PIAS1: variants seen among roughly 807,000 people sequenced by gnomAD.
PIAS1 encodes E3 SUMO-protein ligase PIAS1.
PIAS1 carries 6 observed loss-of-function variants against 71.3 expected under a neutral mutation model. The observed-to-expected ratio is 0.08, with a 90% CI of 0.05 to 0.17. The LOEUF (loss-of-function observed/expected upper bound fraction) is 0.17, where lower values mean the gene tolerates loss of function less well. Ranked by LOEUF, PIAS1 falls within the 10% of genes least tolerant of loss-of-function variation. PIAS1 has a pLI of 1.00. For missense variants in PIAS1, 555 were observed against 793.6 expected (o/e 0.70, Z 3.61); for synonymous variants, 303 against 292.9 (o/e 1.03, Z -0.35).
intron 2 of PIAS1, among the ~76,000 whole-genome samples, chr15:68,090,667 T>C (rs888453535): frequency 6.6e-6 from 1 of 152,134 alleles, no homozygotes; most frequent in Non-Finnish European, 1.5e-5. Context: ...TACCACACTC[T>C]GTAATTACAA....
At chr15:68,124,222 A>G (rs2092633921) in intron 2 of PIAS1, among the ~76,000 whole-genome samples, 1 of 152,186 alleles carries the variant, frequency 6.6e-6, no homozygotes, top group Non-Finnish European at 1.5e-5. Context: ...TTACTCTTGC[A>G]TTCTTCAACT....
In PIAS1 at chr15:68,188,026, T is replaced by G. The variant is rs1447757412; in HGVS notation, c.*191T>G. On this transcript the variant is annotated 3_prime_UTR_variant, in exon 14 of 14. Transcript: ENST00000249636. ...CTATATTTTCAGTTTTACTTTTGTA[T>G]ATAAATCTAAGACTGCCTGTGTGAT... 2.1e-6 allele frequency: 1 copy of G among 474,328 alleles called. No individual in the cohort carries two copies. The allele number at this position is 474,328 out of a possible 1,614,324, so 29.4% of individuals were successfully genotyped here. A position where few individuals can be genotyped will look rare whatever the true frequency, so the allele number is the denominator to read the frequency against.
intron 12 of PIAS1, among the ~76,000 whole-genome samples, chr15:68,182,997 G>T (rs1212617260): frequency 6.6e-6 from 1 of 152,130 alleles, no homozygotes; most frequent in African/African-American, 2.4e-5. Flanking sequence ...TTACACACTG[G>T]GTGATCTAGA....
chr15:68,129,818 C>T (rs1239287780), intron 2 of PIAS1, among the ~76,000 whole-genome samples: 3 of 149,834 alleles, frequency 2.0e-5, no homozygotes, highest in Non-Finnish European at 4.5e-5. Flanking sequence ...CACACACACA[C>T]ACACACACAC....
At chr15:68,057,458 A>T (rs1348057197) in intron 1 of PIAS1, 2 of 438,962 alleles carry the variant, frequency 4.6e-6, no homozygotes, top group African/African-American at 2.0e-5. Flanking sequence ...AAACCAAGTT[A>T]TAGTGCCATT....
intron 1 of PIAS1, among the ~76,000 whole-genome samples, chr15:68,066,073 TAATGGTGTGGGA>T (rs1363278835): frequency 1.3e-5 from 2 of 151,392 alleles, no homozygotes; most frequent in Non-Finnish European, 2.9e-5. Context: ...TTGTAATCAG[TAATGGTGTGGGA>T]AATATATAAC....
In PIAS1 at chr15:68,131,719, A is replaced by G. The variant is rs550675288; in HGVS notation, c.470-10227A>G. Among the ~76,000 whole-genome samples, 5 of 152,286 alleles carry G rather than the reference A, an allele frequency of 3.3e-5. No homozygotes were observed. In the South Asian group the frequency reaches 8.3e-4, roughly 25 times the overall value. ...GGCTGAATGCTTTTCCATTATGTAT[A>G]CTTATTTAGGACCACATTTTCTTTA... On this transcript the variant is annotated intron_variant, in intron 2 of 13. Transcript: ENST00000249636.
At chr15:68,165,165 A>G (rs1419118929) in intron 8 of PIAS1, among the ~76,000 whole-genome samples, 1 of 152,158 alleles carries the variant, frequency 6.6e-6, no homozygotes, top group Non-Finnish European at 1.5e-5. Context: ...CTTGTTGCCC[A>G]GGCTGGAGTG....
chr15:68,135,054 C>T (rs1464638864), intron 2 of PIAS1, among the ~76,000 whole-genome samples: 2 of 45,992 alleles, frequency 4.3e-5, no homozygotes, highest in Admixed American at 3.5e-4. Flanking sequence ...CGGGCAGAGG[C>T]GCCCCTCACC....
chr15:68,055,820 A>G (rs1380610603), intron 1 of PIAS1: 7 of 661,802 alleles, frequency 1.1e-5, no homozygotes, highest in South Asian at 8.4e-5. Context: ...GCCAGATTTG[A>G]TTCTGTAGAG....
chr15:68,082,808 T>C (rs1193492183), intron 1 of PIAS1, among the ~76,000 whole-genome samples: 1 of 152,076 alleles, frequency 6.6e-6, no homozygotes, highest in African/African-American at 2.4e-5. Context: ...AAGAACTAGC[T>C]AAAAAGACTT....
intron 2 of PIAS1, among the ~76,000 whole-genome samples, chr15:68,094,998 A>G (rs541590672): frequency 6.6e-6 from 1 of 152,282 alleles, no homozygotes; most frequent in African/African-American, 2.4e-5. Flanking sequence ...TGATAAATGG[A>G]TGTCTGTGTA....
At position 68,186,454 on chromosome 15, in the gene PIAS1, C is replaced by CA. The variant is rs554199511; in HGVS notation, c.1663-1085dup. Among the ~76,000 whole-genome samples, 45 of 152,264 alleles carry CA rather than the reference C, an allele frequency of 3.0e-4. No homozygotes were observed. Among genetic ancestry groups the CA allele is most frequent in the Non-Finnish European group, 6.2e-4 (42 of 68,002 alleles). On this transcript the variant is annotated intron_variant, in intron 13 of 13. Coordinates refer to ENST00000249636, the MANE Select transcript of PIAS1 (RefSeq NM_016166.3). The surrounding 1 kb of genome is among the most constrained non-coding windows in gnomAD (Gnocchi z 4.4). ...GTTTTAAATTAAGTGTTACAAGAGT[C>CA]AAAGTTTTAAAAAATCAGTTTATAA...
chr15:68,062,815 A>T (rs1323885376), intron 1 of PIAS1, among the ~76,000 whole-genome samples: 3 of 152,200 alleles, frequency 2.0e-5, no homozygotes, highest in Non-Finnish European at 4.4e-5. Context: ...GTGAGACCAT[A>T]CCATATGTAG....
intron 2 of PIAS1, among the ~76,000 whole-genome samples, chr15:68,119,043 A>G (rs772524006): frequency 5.3e-5 from 8 of 151,856 alleles, no homozygotes; most frequent in Non-Finnish European, 1.2e-4. Context: ...TATACATCTG[A>G]TAAGGGGTTA....
At chr15:68,181,708 C>T (rs1225225807) in intron 12 of PIAS1, 3 of 182,884 alleles carry the variant, frequency 1.6e-5, no homozygotes, top group Non-Finnish European at 3.5e-5. Flanking sequence ...CGGAGTCTTG[C>T]TCTGTTGCCT....
chr15:68,100,941 G>C (rs886306777), intron 2 of PIAS1, among the ~76,000 whole-genome samples: 1 of 151,664 alleles, frequency 6.6e-6, no homozygotes, highest in Non-Finnish European at 1.5e-5. Context: ...TGTCACCCAG[G>C]GTGGAGGGCA....
chr15:68,114,475 T>C (rs1230904932), intron 2 of PIAS1, among the ~76,000 whole-genome samples: 8 of 152,208 alleles, frequency 5.3e-5, no homozygotes, highest in African/African-American at 1.7e-4. Flanking sequence ...AAAAATTACA[T>C]AGTTGTCAAG....
At chr15:68,175,971 TAAG>T (rs1199928824) in intron 10 of PIAS1, among the ~76,000 whole-genome samples, 4 of 152,224 alleles carry the variant, frequency 2.6e-5, no homozygotes, top group African/African-American at 9.6e-5. Flanking sequence ...TTTACTGATA[TAAG>T]ATTTCAAAGT....
Sources: allele counts gnomAD v4.1 joint callset (sites outside exome capture counted in the v4.1 genomes callset), GRCh38; gene constraint gnomAD v4.1.1; non-coding constraint Gnocchi (gnomAD v3.1); transcripts MANE v1.5; gene names NCBI Gene and HGNC (gene_info 2026-07-23, HGNC 2026-07-21).